The following RELN variants were observed in gnomAD, a reference collection of about 807,000 sequenced individuals.
RELN encodes reelin.
RELN carries 108 observed loss-of-function variants against 427.6 expected under a neutral mutation model. The observed-to-expected ratio is 0.25, with a 90% confidence interval of 0.22 to 0.30. The LOEUF (loss-of-function observed/expected upper bound fraction) is 0.30. RELN is among the 10% of genes least tolerant of loss of function. RELN has a pLI of 1.00. For missense variants in RELN, 3,715 were observed against 4,302.8 expected, an observed-to-expected ratio of 0.86 and a Z score of 3.82; for synonymous variants, 1,524 against 1,513.4, an observed-to-expected ratio of 1.01 and a Z score of -0.16.
At chr7:103,583,084 G>T (rs906570102) in intron 28 of RELN, among the ~76,000 whole-genome samples, 2 of 152,122 alleles carry the variant, frequency 1.3e-5, no homozygotes, top group African/African-American at 2.4e-5. Flanking sequence ...TACAGGCTGT[G>T]GGGGGAAAGT....
At chr7:103,570,703 T>G (rs1025250946) in intron 31 of RELN, among the ~76,000 whole-genome samples, 6 of 152,222 alleles carry the variant, frequency 3.9e-5, no homozygotes, top group Admixed American at 1.3e-4. Context: ...GTCACATGGC[T>G]GGCAACATCC....
At chr7:103,839,303 C>CTTTTTTTTTTT (rs34244913) in intron 2 of RELN, among the ~76,000 whole-genome samples, 1 of 121,208 alleles carries the variant, frequency 8.3e-6, no homozygotes. Context: ...GTGGTCTTTG[C>CTTTTTTTTTTT]TTTTTTTTTT....
intron 1 of RELN, among the ~76,000 whole-genome samples, chr7:103,936,241 C>G (rs138637887): frequency 6.6e-6 from 1 of 151,966 alleles, no homozygotes; most frequent in Non-Finnish European, 1.5e-5. Flanking sequence ...AATAGGTGTG[C>G]GCCACCATGC....
intron 3 of RELN, among the ~76,000 whole-genome samples, chr7:103,792,588 G>A (rs1281943129): frequency 6.6e-6 from 1 of 151,810 alleles, no homozygotes; most frequent in East Asian, 1.9e-4. Context: ...ATGGGGAAAT[G>A]TAAACTGACA....
chr7:103,920,567 G>GTTTT (rs530809994), intron 1 of RELN, among the ~76,000 whole-genome samples: 16 of 134,242 alleles, frequency 1.2e-4, no homozygotes, highest in Admixed American at 3.1e-4. Flanking sequence ...CCAGTCTTTG[G>GTTTT]TTTTTTTTTT....
In RELN at chr7:103,989,140, C is replaced by G. The variant is rs1382025988; in HGVS notation, c.217G>C (p.Glu73Gln). ...GTGCTGCGGTACCTACCATGGTATT[C>G]TTGTCCCGGAACGTAGTAGGTGGGG... ...GNPTYYVPGQ[E>Q]YHVTISTSTF... The change falls in exon 1 of 65, where the codon GAA (glutamate) becomes CAA (glutamine). Residue 73 changes from glutamate (E) to glutamine (Q), a missense_variant. Physicochemically the swap from Glu to Gln is conservative, Grantham distance 29. Coordinates refer to ENST00000428762, the MANE Select transcript of RELN (RefSeq NM_005045.4). This position sits in a 1 kb window ranked among gnomAD's most constrained non-coding sequence, Gnocchi z 4.9. 6.2e-7 allele frequency: 1 copy of G among 1,613,926 alleles called. No homozygotes were observed. Among genetic ancestry groups the G allele is most frequent in the African/African-American group, 1.3e-5 (1 of 75,042 alleles).
chr7:103,524,926 C>T (rs117467391), intron 46 of RELN, among the ~76,000 whole-genome samples: 169 of 152,162 alleles, frequency 1.1e-3, no homozygotes, highest in Non-Finnish European at 2.0e-3. Context: ...TGCATTTTAC[C>T]GAAACCCCTA....
chr7:103,777,266 C>G (rs1791768360), intron 3 of RELN, among the ~76,000 whole-genome samples: 1 of 151,886 alleles, frequency 6.6e-6, no homozygotes, highest in Admixed American at 6.6e-5. Context: ...TATTCAATGG[C>G]TATAATAAAA....
At chr7:103,695,943 G>C (rs955428118) in intron 10 of RELN, among the ~76,000 whole-genome samples, 7 of 152,120 alleles carry the variant, frequency 4.6e-5, no homozygotes, top group Admixed American at 4.6e-4. Context: ...GATGATGCCT[G>C]TTCCTAATGT....
chr7:103,779,899 T>A (rs955010441), intron 3 of RELN, among the ~76,000 whole-genome samples: 1 of 152,188 alleles, frequency 6.6e-6, no homozygotes, highest in African/African-American at 2.4e-5. Context: ...AGCTAATTTT[T>A]GTATTTTTAG....
At chr7:103,777,785 A>C (rs1791781513) in intron 3 of RELN, among the ~76,000 whole-genome samples, 1 of 152,026 alleles carries the variant, frequency 6.6e-6, no homozygotes, top group South Asian at 2.1e-4. Flanking sequence ...CGTGGACCCA[A>C]GTCTCTGAAG....
rs562392638 is a variant in RELN at position 103,716,149 on chromosome 7, C to T, written c.805+6991G>A. ...GTAACCTTCACAGTGACGCCTGACCCTCTGGTGGTACCATGCCTGCTCTTG... is the reference window on the plus strand; with the variant it reads ...GTAACCTTCACAGTGACGCCTGACCTTCTGGTGGTACCATGCCTGCTCTTG... On this transcript the variant is annotated intron_variant, in intron 8 of 64. Transcript: ENST00000428762. Among the ~76,000 whole-genome samples the T allele has an allele frequency of 5.9e-4, 90 of 152,298 alleles. 1 individual carries two copies. In the South Asian group the frequency reaches 0.017, roughly 29 times the overall value.
intron 16 of RELN, among the ~76,000 whole-genome samples, chr7:103,645,184 T>C (rs1426964727): frequency 6.6e-6 from 1 of 151,706 alleles, no homozygotes; most frequent in Non-Finnish European, 1.5e-5. Flanking sequence ...AATGACAGTA[T>C]AAAACTCACA....
intron 8 of RELN, among the ~76,000 whole-genome samples, chr7:103,713,613 T>C (rs945469204): frequency 2.6e-5 from 4 of 151,754 alleles, no homozygotes; most frequent in African/African-American, 9.7e-5. Flanking sequence ...AAAAATGTGA[T>C]GAGCAACATG....
intron 28 of RELN, among the ~76,000 whole-genome samples, chr7:103,585,192 G>A (rs1287360731): frequency 1.8e-5 from 2 of 111,016 alleles, no homozygotes; most frequent in African/African-American, 6.0e-5. Flanking sequence ...TGGAAGAAAA[G>A]AAATAACAAA....
chr7:103,878,351 T>A (rs1451474210), intron 2 of RELN, among the ~76,000 whole-genome samples: 1 of 152,196 alleles, frequency 6.6e-6, no homozygotes, highest in Non-Finnish European at 1.5e-5. Flanking sequence ...CAACATTGTA[T>A]CTTTGATGTC....
At chr7:103,498,030 C>T (rs778982866) in intron 54 of RELN, 47 bp downstream of exon 54, 2 of 1,605,688 alleles carry the variant, frequency 1.2e-6, no homozygotes, top group Non-Finnish European at 8.5e-7. Context: ...GCTTTGGGAC[C>T]AATTTGCTAT....
intron 10 of RELN, among the ~76,000 whole-genome samples, chr7:103,683,789 G>C (rs2299360): frequency 0.21 from 31,663 of 152,016 alleles, 3,942 homozygotes; most frequent in South Asian, 0.36. Flanking sequence ...CCAAAGAAAG[G>C]CTGCAACACA....
intron 1 of RELN, among the ~76,000 whole-genome samples, chr7:103,954,348 T>C (rs574460952): frequency 1.3e-5 from 2 of 152,334 alleles, no homozygotes; most frequent in African/African-American, 4.8e-5. Flanking sequence ...TTGCCAAGTA[T>C]GCTATCGTGA....
Sources: allele counts gnomAD v4.1 joint callset (sites outside exome capture counted in the v4.1 genomes callset), GRCh38; gene constraint gnomAD v4.1.1; non-coding constraint Gnocchi (gnomAD v3.1); transcripts MANE v1.5; gene names NCBI Gene and HGNC (gene_info 2026-07-23, HGNC 2026-07-21).